Variants in CDH13 observed in about 807,000 individuals in gnomAD.
CDH13 encodes the protein cadherin-13.
A neutral mutation model predicts 63.8 loss-of-function variants in CDH13; 24 were observed. The ratio of observed to expected loss-of-function variants is 0.38; its 90% CI spans 0.27 to 0.53. The LOEUF is 0.53. Among genes scored for constraint, CDH13 ranks in the 20% least tolerant of loss-of-function variants. CDH13 has a pLI of 0.85. For synonymous variants in CDH13, 503 were observed against 355.3 expected (o/e 1.42, Z -4.67); for missense variants, 1,049 against 903.1 (o/e 1.16, Z -2.07).
intron 2 of CDH13, among the ~76,000 whole-genome samples, chr16:82,920,589 G>A (rs1399079129): frequency 6.6e-6 from 1 of 152,214 alleles, no homozygotes; most frequent in Non-Finnish European, 1.5e-5. Flanking sequence ...GAAAAGAAAA[G>A]AATGCTGTCT....
intron 2 of CDH13, among the ~76,000 whole-genome samples, chr16:83,028,807 C>G (rs1458079754): frequency 1.3e-5 from 2 of 152,126 alleles, no homozygotes; most frequent in African/African-American, 4.8e-5. Context: ...CCATGGGTAT[C>G]TGGAATTGAA....
In CDH13 at chr16:83,124,076, C is replaced by T. The variant is rs190078578; in HGVS notation, c.367-1309C>T. Among the ~76,000 whole-genome samples the T allele has an allele frequency of 6.6e-5, 10 of 152,224 alleles. No individual in the cohort carries two copies. In the South Asian group the frequency reaches 1.9e-3, roughly 28 times the overall value. On this transcript the variant is annotated intron_variant, in intron 3 of 13. Transcript: ENST00000567109. Reference sequence around the variant, plus strand: ...GTTTGTTTGTTCTGAGCTGGAGTCTCGTTCTGTCACCCAGGATGGAGTTCA... The same window carrying T: ...GTTTGTTTGTTCTGAGCTGGAGTCTTGTTCTGTCACCCAGGATGGAGTTCA...
intron 1 of CDH13, among the ~76,000 whole-genome samples, chr16:82,820,976 G>T (rs2037978092): frequency 6.6e-6 from 1 of 152,126 alleles, no homozygotes; most frequent in Non-Finnish European, 1.5e-5. Context: ...GTAGAGCTTG[G>T]TGACTTTTAA....
At chr16:83,526,155 C>A (rs887817715) in intron 7 of CDH13, among the ~76,000 whole-genome samples, 1 of 152,218 alleles carries the variant, frequency 6.6e-6, no homozygotes, top group African/African-American at 2.4e-5. Context: ...GCTGCAGCCA[C>A]CACCTTCGAA....
chr16:83,486,355 CT>C (rs1567705270), intron 6 of CDH13, 121 bp from the exon 7 acceptor site: 1 of 675,670 alleles, frequency 1.5e-6, no homozygotes, highest in Non-Finnish European at 2.3e-6. Flanking sequence ...AAATACTTTT[CT>C]TTTTTAATTT....
At chr16:83,247,961 C>T (rs1905129921) in intron 5 of CDH13, among the ~76,000 whole-genome samples, 1 of 152,164 alleles carries the variant, frequency 6.6e-6, no homozygotes, top group Non-Finnish European at 1.5e-5. Flanking sequence ...CTGCACGCTC[C>T]ATTTCTGAAG....
chr16:82,741,814 A>G (rs1276261730), intron 1 of CDH13, among the ~76,000 whole-genome samples: 1 of 152,240 alleles, frequency 6.6e-6, no homozygotes, highest in Admixed American at 6.5e-5. Context: ...ATTGAAAAAA[A>G]CATGGATATC....
intron 7 of CDH13, among the ~76,000 whole-genome samples, chr16:83,582,699 T>C (rs1220627835): frequency 6.6e-6 from 1 of 152,126 alleles, no homozygotes; most frequent in Admixed American, 6.5e-5. Flanking sequence ...ACAAATAGCA[T>C]AAGACCGTGT....
intron 8 of CDH13, among the ~76,000 whole-genome samples, chr16:83,629,212 C>A (rs955479736): frequency 6.6e-6 from 1 of 152,352 alleles, no homozygotes; most frequent in African/African-American, 2.4e-5. Context: ...CATACCTGCA[C>A]AATTTACCTA....
intron 4 of CDH13, among the ~76,000 whole-genome samples, chr16:83,213,968 C>G (rs551739836): frequency 2.6e-4 from 39 of 152,168 alleles, no homozygotes; most frequent in African/African-American, 8.9e-4. Context: ...GTAAAATGGA[C>G]CAATCAGCAC....
chr16:82,666,510 A>G (rs1912602594), intron 1 of CDH13, among the ~76,000 whole-genome samples: 1 of 152,178 alleles, frequency 6.6e-6, no homozygotes, highest in Non-Finnish European at 1.5e-5. Context: ...TTTGTGTGGA[A>G]TAGGCAGTGG....
rs114166525 is a variant in CDH13, at chr16:83,636,716, G to A, written c.1102-34074G>A. 7.7e-3 allele frequency among the ~76,000 whole-genome samples: 1,174 copies of A among 152,232 alleles called. 18 individuals are homozygous for A. Among genetic ancestry groups the A allele is most frequent in the African/African-American group, 0.027 (1,114 of 41,532 alleles). ...TGCTGTTGTGTATAGTGCTGCAATG[G>A]ATATATGGGTGCATGTGTCTTTTCA... On this transcript the variant is annotated intron_variant, in intron 8 of 13. Coordinates refer to ENST00000567109, the MANE Select transcript of CDH13 (RefSeq NM_001257.5).
chr16:83,342,262 G>T (rs115005096), intron 5 of CDH13, among the ~76,000 whole-genome samples: 14 of 152,212 alleles, frequency 9.2e-5, no homozygotes, highest in African/African-American at 3.4e-4. Context: ...ATCCTTCATA[G>T]CCCTCATCTG....
intron 2 of CDH13, among the ~76,000 whole-genome samples, chr16:82,894,525 C>T (rs991629244): frequency 1.3e-5 from 2 of 152,092 alleles, no homozygotes; most frequent in African/African-American, 4.8e-5. Flanking sequence ...ACCTGTAACC[C>T]CAGCTACTTG....
At chr16:82,748,426 G>C (rs908156116) in intron 1 of CDH13, among the ~76,000 whole-genome samples, 1 of 152,150 alleles carries the variant, frequency 6.6e-6, no homozygotes, top group African/African-American at 2.4e-5. Flanking sequence ...AGTCAAGATG[G>C]GCTATGGGAA....
chr16:83,343,948 G>C (rs952777031), intron 5 of CDH13, among the ~76,000 whole-genome samples: 1 of 152,170 alleles, frequency 6.6e-6, no homozygotes, highest in African/African-American at 2.4e-5. Context: ...CTAATAATGA[G>C]TGTTTTTGTT....
chr16:83,631,234 G>A (rs762228512), intron 8 of CDH13, among the ~76,000 whole-genome samples: 1 of 152,170 alleles, frequency 6.6e-6, no homozygotes. Context: ...TTCTATTTAT[G>A]AGATGCTGCT....
chr16:82,672,471 T>G (rs571934517), intron 1 of CDH13, among the ~76,000 whole-genome samples: 1 of 152,132 alleles, frequency 6.6e-6, no homozygotes, highest in African/African-American at 2.4e-5. Context: ...CCCTAATCAC[T>G]GTATTTCTAT....
At position 83,082,598 on chromosome 16, in the gene CDH13, C is replaced by G. The variant is rs963371596; in HGVS notation, c.367-42787C>G. Among the ~76,000 whole-genome samples, 7 of 152,240 alleles carry G rather than the reference C, an allele frequency of 4.6e-5. No individual in the cohort carries two copies. The South Asian group carries it at 1.5e-3, about 32-fold the overall frequency. On this transcript the variant is annotated intron_variant, in intron 3 of 13. Coordinates refer to ENST00000567109, the MANE Select transcript of CDH13 (RefSeq NM_001257.5). ...AGAGGTTGCAGTGAGCCAAGACCAT[C>G]GTGCCACTGCATTCCAGCCTGGGCA...
Sources: gnomAD v4.1 joint callset for allele counts (sites outside exome capture counted in the v4.1 genomes callset) on GRCh38, gnomAD v4.1.1 for gene constraint, MANE v1.5 for transcripts, NCBI Gene and HGNC (gene_info 2026-07-23, HGNC 2026-07-21) for gene names.